Variants in NSRP1 observed in about 807,000 individuals in gnomAD.
NSRP1 encodes coiled-coil domain containing 55.
A neutral mutation model predicts 54.7 loss-of-function variants in NSRP1; 24 were observed. The ratio of observed to expected loss-of-function variants is 0.44; its 90% confidence interval spans 0.32 to 0.62. The LOEUF is 0.62. Ranked by LOEUF, NSRP1 falls within the 20% of genes least tolerant of loss-of-function variation. The pLI is 0.06. For synonymous variants in NSRP1, 210 were observed against 213.8 expected (o/e 0.98, Z 0.15); for missense variants, 596 against 651.2 (o/e 0.92, Z 0.92).
intron 2 of NSRP1, among the ~76,000 whole-genome samples, chr17:30,130,521 C>G (rs1270061979): frequency 6.6e-6 from 1 of 152,008 alleles, no homozygotes; most frequent in African/African-American, 2.4e-5. Flanking sequence ...TAATGCTTGC[C>G]CATTGCTTTT....
chr17:30,139,699 G>T (rs1370121049), intron 2 of NSRP1, among the ~76,000 whole-genome samples: 3 of 151,854 alleles, frequency 2.0e-5, no homozygotes, highest in Non-Finnish European at 4.4e-5. Context: ...CTTAGGATCT[G>T]CAAAAACAAA....
rs560434975 is a variant in NSRP1 at position 30,155,527 on chromosome 17, A to G, written c.115-17015A>G. On this transcript the variant is annotated intron_variant, in intron 2 of 6. Transcript: ENST00000247026. Reference sequence around the variant, plus strand: ...CTTCTGTTACATAAATATCTTTCATATCACTATACCTTTTTTTGCTTTGTT... The same window carrying G: ...CTTCTGTTACATAAATATCTTTCATGTCACTATACCTTTTTTTGCTTTGTT... Among the ~76,000 whole-genome samples, 18 of 152,164 alleles carry G rather than the reference A, an allele frequency of 1.2e-4. No individual in the cohort carries two copies. The South Asian group carries it at 3.5e-3, about 30-fold the overall frequency.
At chr17:30,158,618 C>A (rs1477924485) in intron 2 of NSRP1, among the ~76,000 whole-genome samples, 2 of 149,252 alleles carry the variant, frequency 1.3e-5, no homozygotes. Flanking sequence ...AGTCTGTAAT[C>A]CATTTTGTTT....
chr17:30,130,598 A>G (rs914115482), intron 2 of NSRP1, among the ~76,000 whole-genome samples: 3 of 152,194 alleles, frequency 2.0e-5, no homozygotes, highest in Non-Finnish European at 2.9e-5. Flanking sequence ...AAAATCTTAC[A>G]GACATTAGTG....
At chr17:30,172,163 A>G (rs1210491179) in intron 2 of NSRP1, among the ~76,000 whole-genome samples, 1 of 152,140 alleles carries the variant, frequency 6.6e-6, no homozygotes, top group Admixed American at 6.5e-5. Context: ...TACAATGCAA[A>G]TTCATTTATT....
intron 3 of NSRP1, among the ~76,000 whole-genome samples, chr17:30,173,826 C>G (rs1905036873): frequency 6.6e-6 from 1 of 152,152 alleles, no homozygotes; most frequent in South Asian, 2.1e-4. Context: ...AACCTCAGAA[C>G]CTAGGCTTTT....
chr17:30,180,818 CACACTGTATGTTAT>C, intron 5 of NSRP1, 76 bp from the exon 6 acceptor site: 1 of 815,446 alleles, frequency 1.2e-6, no homozygotes. Context: ...GAGTAGTTTA[CACACTGTATGTTAT>C]ATACTGTATG....
At chr17:30,146,750 G>A (rs952196150) in intron 2 of NSRP1, among the ~76,000 whole-genome samples, 5 of 152,040 alleles carry the variant, frequency 3.3e-5, no homozygotes, top group African/African-American at 4.8e-5. Context: ...ATTTAGAGGC[G>A]TGCAGCACCA....
At chr17:30,136,308 T>C (rs1021030530) in intron 2 of NSRP1, among the ~76,000 whole-genome samples, 2 of 152,186 alleles carry the variant, frequency 1.3e-5, no homozygotes, top group Non-Finnish European at 2.9e-5. Flanking sequence ...TGGACTATTC[T>C]GTTTCATTGA....
At chr17:30,164,951 A>G (rs1301587093) in intron 2 of NSRP1, among the ~76,000 whole-genome samples, 1 of 152,204 alleles carries the variant, frequency 6.6e-6, no homozygotes, top group Non-Finnish European at 1.5e-5. Flanking sequence ...TTCAGCCTTA[A>G]TCTTTTTTTA....
At chr17:30,171,303 C>CTT (rs34039932) in intron 2 of NSRP1, among the ~76,000 whole-genome samples, 35 of 108,324 alleles carry the variant, frequency 3.2e-4, no homozygotes, top group South Asian at 9.4e-4. Context: ...TTGTAATTGT[C>CTT]TTTTTTTTTT....
intron 2 of NSRP1, among the ~76,000 whole-genome samples, chr17:30,136,101 T>C (rs1295973441): frequency 6.6e-6 from 1 of 152,032 alleles, no homozygotes; most frequent in Non-Finnish European, 1.5e-5. Flanking sequence ...TAGTCCCAGC[T>C]ACTCGGGAGG....
chr17:30,172,965 A>T (rs1027082746), intron 3 of NSRP1, among the ~76,000 whole-genome samples: 1 of 151,566 alleles, frequency 6.6e-6, no homozygotes, highest in Non-Finnish European at 1.5e-5. Context: ...ATAGATATAT[A>T]GATTTTTTTT....
chr17:30,120,552 T>TA (rs139365320), intron 2 of NSRP1, among the ~76,000 whole-genome samples: 3,191 of 152,318 alleles, frequency 0.021, 83 homozygotes, highest in African/African-American at 0.069. Context: ...TTTGGGACCT[T>TA]ATATAGTGTT....
Position 30,178,029 on chromosome 17 carries a change from G to A in NSRP1, c.172-42G>A, listed in dbSNP as rs373446672. ...AAGCATAGACTTTGTTGTATCTATTGGCTGGCTCATATTTTTGAAACATGT... is the reference window on the plus strand; with the variant it reads ...AAGCATAGACTTTGTTGTATCTATTAGCTGGCTCATATTTTTGAAACATGT... On this transcript the variant is annotated intron_variant, in intron 3 of 6. Transcript: ENST00000247026. 7 of 1,600,522 alleles carry A rather than the reference G, an allele frequency of 4.4e-6. No homozygotes were observed. The African/African-American group carries it at 6.7e-5, about 15-fold the overall frequency.
Position 30,122,349 on chromosome 17 carries a change from T to TGTGTGTGTGTATGTATA in NSRP1, c.114+4176_114+4177insGTGTGTGTGTATGTATA, listed in dbSNP as rs1481107161. On this transcript the variant is annotated intron_variant, in intron 2 of 6. Coordinates refer to ENST00000247026, the MANE Select transcript of NSRP1 (RefSeq NM_032141.4). The stretch of plus-strand genomic sequence containing the variant: ...TTTCTGGTTCATATGATAACTCTGG[T>TGTGTGTGTGTATGTATA]TTCATATATATATATATATATATAT... 2.8e-5 allele frequency: 2 copies of TGTGTGTGTGTATGTATA among 72,316 alleles called. 1 individual carries two copies. The highest frequency in any genetic ancestry group is 1.1e-4 in the African/African-American group (2 of 17,614). The allele number at this position is 72,316 out of a possible 1,614,324, so 4.5% of individuals were successfully genotyped here.
In NSRP1 at chr17:30,186,446, GAAAAT is replaced by G. The variant is rs1351286019; in HGVS notation, c.*778_*782del. On this transcript the variant is annotated 3_prime_UTR_variant, in exon 7 of 7. Transcript: ENST00000247026. ...AGCTTACAGCATAGTTGGCTTAAAT[GAAAAT>G]AAAATGATATGCTTATACATTTTAT... 2 of 152,126 alleles carry G rather than the reference GAAAAT, an allele frequency of 1.3e-5. No homozygotes were observed. Among genetic ancestry groups the G allele is most frequent in the African/African-American group, 4.8e-5 (2 of 41,414 alleles). The allele number at this position is 152,126 out of a possible 1,614,324, so 9.4% of individuals were successfully genotyped here. A position where few individuals can be genotyped will look rare whatever the true frequency, so the allele number is the denominator to read the frequency against.
chr17:30,182,897 G>A (rs1189528103), intron 6 of NSRP1, among the ~76,000 whole-genome samples: 1 of 152,102 alleles, frequency 6.6e-6, no homozygotes, highest in Admixed American at 6.5e-5. Flanking sequence ...TTGCGCCACT[G>A]CACTCCAGCT....
At chr17:30,134,974 C>A (rs1414405138) in intron 2 of NSRP1, among the ~76,000 whole-genome samples, 2 of 152,078 alleles carry the variant, frequency 1.3e-5, no homozygotes, top group Non-Finnish European at 2.9e-5. Flanking sequence ...TAATTTTCAA[C>A]AAAATTGACA....
Sources: allele counts gnomAD v4.1 joint callset (sites outside exome capture counted in the v4.1 genomes callset), GRCh38; gene constraint gnomAD v4.1.1; transcripts MANE v1.5; gene names NCBI Gene and HGNC (gene_info 2026-07-23, HGNC 2026-07-21).